Variants in RNF115 observed in about 807,000 individuals in gnomAD.
The protein encoded by RNF115 is ring finger protein 115.
A neutral mutation model predicts 39.2 loss-of-function variants in RNF115; 31 were observed. The observed-to-expected ratio is 0.79, with a 90% confidence interval of 0.59 to 1.07. RNF115 has a LOEUF of 1.07. RNF115 is among the 50% of genes least tolerant of loss of function. The probability of loss-of-function intolerance (pLI) is 0.00; values close to 1 mark genes in which losing one functional copy is unlikely to be tolerated. For missense variants in RNF115, 384 were observed against 381.7 expected, an observed-to-expected ratio of 1.01 and a Z score of -0.05; for synonymous variants, 124 against 131.0, an observed-to-expected ratio of 0.95 and a Z score of 0.37.
At chr1:145,778,741 T>C (rs1647990067) in intron 3 of RNF115, among the ~76,000 whole-genome samples, 1 of 152,220 alleles carries the variant, frequency 6.6e-6, no homozygotes, top group Admixed American at 6.5e-5. Flanking sequence ...TAGAATTTTA[T>C]GTAAAGGGCA....
intron 4 of RNF115, among the ~76,000 whole-genome samples, chr1:145,761,276 AAT>A (rs1658492122): frequency 6.6e-6 from 1 of 152,212 alleles, no homozygotes; most frequent in Non-Finnish European, 1.5e-5. Flanking sequence ...CAAGGAGCCT[AAT>A]GTTAATCCCC....
chr1:145,777,228 T>G (rs1297166357), intron 3 of RNF115, among the ~76,000 whole-genome samples: 1 of 152,190 alleles, frequency 6.6e-6, no homozygotes, highest in Non-Finnish European at 1.5e-5. Flanking sequence ...CATTATAATA[T>G]AAAAATGAAA....
chr1:145,746,757 T>G lies in RNF115; in HGVS notation c.*109A>C. ...CATTCATTGCATTTATATTATGTGT[T>G]GAGTTTCTTACATATTCCTAAATCC... is the stretch of plus-strand genomic sequence containing the variant. On this transcript the variant is annotated 3_prime_UTR_variant, in exon 9 of 9. Transcript: ENST00000582693. The G allele has an allele frequency of 5.5e-5, 58 of 1,050,758 alleles. No homozygotes were observed. The highest frequency in any genetic ancestry group is 2.1e-4 in the Middle Eastern group (1 of 4,720). 65.1% of individuals were successfully genotyped at this position (1,050,758 alleles called of 1,614,324 possible).
In RNF115 at chr1:145,821,460, T is replaced by G. The variant is rs1650235367; in HGVS notation, c.102+2312A>C. On this transcript the variant is annotated intron_variant, in intron 1 of 8. Coordinates refer to ENST00000582693, the MANE Select transcript of RNF115 (RefSeq NM_014455.4). ...AAGTTTAGACTGTCTTCTCACTCTTTTTTTTTTTTTTTTTTTTTTTTTGAG... is the reference window on the plus strand; with the variant it reads ...AAGTTTAGACTGTCTTCTCACTCTTGTTTTTTTTTTTTTTTTTTTTTTGAG... Among the ~76,000 whole-genome samples the G allele has an allele frequency of 6.0e-4, 4 of 6,668 alleles. No individual in the cohort carries two copies. The African/African-American group carries it at 9.5e-3, about 16-fold the overall frequency. 4.4% of individuals were successfully genotyped at this position (6,668 alleles called of 152,430 possible).
chr1:145,780,342 C>T lies in RNF115; in HGVS notation c.219+4197G>A, dbSNP rs115460778. On this transcript the variant is annotated intron_variant, in intron 3 of 8. Transcript: ENST00000582693. ...AGCTCTTAGAATAGTGAAACTCGGCCGGGCGCAGTGGCTCACACCTGTAAT... is the reference window on the plus strand; with the variant it reads ...AGCTCTTAGAATAGTGAAACTCGGCTGGGCGCAGTGGCTCACACCTGTAAT... 8.8e-3 allele frequency among the ~76,000 whole-genome samples: 1,340 copies of T among 152,012 alleles called. 20 individuals carry two copies. The highest frequency in any genetic ancestry group is 0.03 in the African/African-American group (1,263 of 41,488).
intron 1 of RNF115, among the ~76,000 whole-genome samples, chr1:145,790,821 CATT>C (rs1330947955): frequency 6.6e-6 from 1 of 151,950 alleles, no homozygotes; most frequent in Admixed American, 6.5e-5. Flanking sequence ...CGCAGTAAAA[CATT>C]ATAATAATGA....
Position 145,746,903 on chromosome 1 carries a change from C to T in RNF115, c.878G>A (p.Ser293Asn), listed in dbSNP as rs1339882071. 1.2e-6 allele frequency: 2 copies of T among 1,613,990 alleles called. No individual in the cohort carries two copies. The highest frequency in any genetic ancestry group is 1.3e-5 in the African/African-American group (1 of 74,902). ...TCGGTCATGTAGCTGACTGTCATTG[C>T]TAAATCTGTTGCTTGCAGAGGCCTC... is the stretch of plus-strand genomic sequence containing the variant. Reference protein sequence around the residue: ...STEASASNRFSNDSQLHDRWT... With the variant: ...STEASASNRFNNDSQLHDRWT... Residue 293 changes from serine (S) to asparagine (N), a missense_variant, in exon 9 of 9, where the codon AGC becomes AAC. By Grantham distance (46) the Ser-to-Asn change is conservative. Coordinates refer to ENST00000582693, the MANE Select transcript of RNF115 (RefSeq NM_014455.4).
At chr1:145,768,899 G>C (rs1553715368) in intron 4 of RNF115, among the ~76,000 whole-genome samples, 4 of 152,106 alleles carry the variant, frequency 2.6e-5, no homozygotes, top group Admixed American at 2.6e-4. Flanking sequence ...TATAGTAATA[G>C]GCCCCAAAGA....
intron 1 of RNF115, among the ~76,000 whole-genome samples, chr1:145,791,966 C>A (rs1648693514): frequency 6.6e-6 from 1 of 152,000 alleles, no homozygotes; most frequent in South Asian, 2.1e-4. Context: ...GGATCTCACT[C>A]TGTTGCCCAG....
rs587618370 is a variant in RNF115, at chr1:145,757,069, C to T, written c.429-4020G>A. Among the ~76,000 whole-genome samples, 230 of 152,142 alleles carry T rather than the reference C, an allele frequency of 1.5e-3. 1 individual carries two copies. Among genetic ancestry groups the T allele is most frequent in the Non-Finnish European group, 2.6e-3 (179 of 67,984 alleles). On this transcript the variant is annotated intron_variant, in intron 4 of 8. Coordinates refer to ENST00000582693, the MANE Select transcript of RNF115 (RefSeq NM_014455.4). ...CAGGCTGGTCTCGAACTTCTGACCTCAGGTGATCCTCCCACCTTGGCCTCC... is the reference window on the plus strand; with the variant it reads ...CAGGCTGGTCTCGAACTTCTGACCTTAGGTGATCCTCCCACCTTGGCCTCC...
In RNF115 at chr1:145,771,780, C is replaced by T. The variant is rs782793311; in HGVS notation, c.359G>A (p.Arg120Gln). ...HTDFWGARPP[R>Q]LPLGRRYRSR... ...TCTGTATCTCCGACCCAATGGCAAC[C>T]GTGGAGGTCTTGCTCCCCAGAAGTC... Residue 120 changes from arginine to glutamine, a missense_variant, in exon 4 of 9, where the codon CGG (arginine) becomes CAG (glutamine). Transcript: ENST00000582693. 1.7e-5 allele frequency: 28 copies of T among 1,614,046 alleles called. No individual in the cohort carries two copies. Among genetic ancestry groups the T allele is most frequent in the Middle Eastern group, 1.6e-4 (1 of 6,084 alleles).
At position 145,790,251 on chromosome 1, in the gene RNF115, C is replaced by T. The variant is rs187909263; in HGVS notation, c.103-1285G>A. ...TGCCTCCCAGGTTCAAGAGATTCTC[C>T]TGCCTCAGTCTCCCGAGTAGCTGGG... On this transcript the variant is annotated intron_variant, in intron 1 of 8. Coordinates refer to ENST00000582693, the MANE Select transcript of RNF115 (RefSeq NM_014455.4). Among the ~76,000 whole-genome samples the T allele has an allele frequency of 2.0e-3, 304 of 152,202 alleles. 1 individual carries two copies. Among genetic ancestry groups the T allele is most frequent in the African/African-American group, 7.1e-3 (295 of 41,512 alleles).
At chr1:145,762,981 A>G (rs889752286) in intron 4 of RNF115, among the ~76,000 whole-genome samples, 4 of 152,192 alleles carry the variant, frequency 2.6e-5, no homozygotes, top group Non-Finnish European at 5.9e-5. Context: ...AAAGTAAGGA[A>G]TAATAAACAC....
rs892659295 is a variant in RNF115, at chr1:145,788,639, G to A, written c.161+269C>T. ...GATTTACTCTGACATGCGTACAGAT[G>A]TACATGGAATGCCACATACAATCAG... On this transcript the variant is annotated intron_variant, in intron 2 of 8. Coordinates refer to ENST00000582693, the MANE Select transcript of RNF115 (RefSeq NM_014455.4). The A allele has an allele frequency of 1.2e-5, 7 of 583,858 alleles. No individual in the cohort carries two copies. In the African/African-American group the frequency reaches 1.3e-4, roughly 11 times the overall value. 36.2% of individuals were successfully genotyped at this position (583,858 alleles called of 1,614,324 possible). A position where few individuals can be genotyped will look rare whatever the true frequency, so the allele number is the denominator to read the frequency against.
At chr1:145,756,831 CTTTTTTTTTTTTT>C (rs142073195) in intron 4 of RNF115, among the ~76,000 whole-genome samples, 6 of 67,830 alleles carry the variant, frequency 8.8e-5, no homozygotes, top group Non-Finnish European at 1.3e-4. Context: ...TTTCTAGCTT[CTTTTTTTTTTTTT>C]TTTTTTTTTT....
At chr1:145,817,954 A>G (rs1399847036) in intron 1 of RNF115, among the ~76,000 whole-genome samples, 3 of 129,062 alleles carry the variant, frequency 2.3e-5, no homozygotes, top group African/African-American at 6.5e-5. Flanking sequence ...ATAGCTGTAT[A>G]GTATCCCATG....
Position 145,824,074 on chromosome 1 carries a change from A to C in RNF115, c.-201T>G. The C allele has an allele frequency of 2.1e-6, 1 of 474,082 alleles. No individual in the cohort carries two copies. The highest frequency in any genetic ancestry group is 3.7e-6 in the Non-Finnish European group (1 of 270,992). 29.4% of individuals were successfully genotyped at this position (474,082 alleles called of 1,614,324 possible). ...CCCTGCGGCCCGCCTCCCAGCACCAAAGAGGCGCAGGAAGGAGAGACAAAC... is the reference window on the plus strand; with the variant it reads ...CCCTGCGGCCCGCCTCCCAGCACCACAGAGGCGCAGGAAGGAGAGACAAAC... On this transcript the variant is annotated 5_prime_UTR_variant, in exon 1 of 9. Transcript: ENST00000582693.
chr1:145,801,912 C>G (rs141814585), intron 1 of RNF115, among the ~76,000 whole-genome samples: 1 of 152,082 alleles, frequency 6.6e-6, no homozygotes, highest in Non-Finnish European at 1.5e-5. Flanking sequence ...CTCAGCCTCC[C>G]GAGTAGCTGG....
intron 1 of RNF115, among the ~76,000 whole-genome samples, chr1:145,808,214 G>A (rs781859237): frequency 1.6e-4 from 25 of 152,098 alleles, no homozygotes; most frequent in Admixed American, 4.6e-4. Flanking sequence ...ACCCAGTAGC[G>A]GGATTGCTGG....
Sources: gnomAD v4.1 joint callset for allele counts (sites outside exome capture counted in the v4.1 genomes callset) on GRCh38, gnomAD v4.1.1 for gene constraint, MANE v1.5 for transcripts, NCBI Gene and HGNC (gene_info 2026-07-23, HGNC 2026-07-21) for gene names.